The following LRRC49 variants were observed in gnomAD, a reference collection of about 807,000 sequenced individuals.
LRRC49 encodes the protein leucine-rich repeat-containing protein 49.
A neutral mutation model predicts 83.3 loss-of-function variants in LRRC49; 50 were observed. The ratio of observed to expected loss-of-function variants is 0.60; its 90% CI spans 0.48 to 0.76. The LOEUF (loss-of-function observed/expected upper bound fraction) is 0.76, where lower values mean the gene tolerates loss of function less well. Among genes scored for constraint, LRRC49 ranks in the 30% least tolerant of loss-of-function variants. The pLI is 0.00. For synonymous variants in LRRC49, 286 were observed against 283.3 expected (o/e 1.01, Z -0.10); for missense variants, 704 against 809.1 (o/e 0.87, Z 1.58).
At chr15:70,905,668 T>C (rs2034275257) in intron 5 of LRRC49, among the ~76,000 whole-genome samples, 1 of 152,198 alleles carries the variant, frequency 6.6e-6, no homozygotes, top group Non-Finnish European at 1.5e-5. Flanking sequence ...TGAGGCTTGA[T>C]AACAAGTGGA....
chr15:70,984,215 A>T lies in LRRC49; in HGVS notation c.1127A>T (p.Gln376Leu). 6.2e-7 allele frequency: 1 copy of T among 1,613,226 alleles called. No individual in the cohort carries two copies. The highest frequency in any genetic ancestry group is 8.5e-7 in the Non-Finnish European group (1 of 1,179,458). ...TCTGACTCTCCTCAGGACCCCTGTC[A>T]GATTGATGGAAGCACCCTCTCTGCA... ...KDSDSPQDPC[Q>L]IDGSTLSAFP... is the part of the protein sequence containing the mutation. Residue 376 changes from glutamine (Q) to leucine (L), a missense_variant, in exon 11 of 16, where the codon CAG becomes CTG. Transcript: ENST00000260382.
chr15:71,015,013 T>C (rs2038779053), intron 14 of LRRC49, among the ~76,000 whole-genome samples: 1 of 152,166 alleles, frequency 6.6e-6, no homozygotes, highest in African/African-American at 2.4e-5. Flanking sequence ...AATCTTCAAG[T>C]ATCTCAAAAA....
At chr15:71,037,050 C>A in intron 14 of LRRC49, 129 bp from the exon 15 acceptor site, 2 of 582,756 alleles carry the variant, frequency 3.4e-6, no homozygotes, top group East Asian at 3.3e-5. Flanking sequence ...TCAAATAAAT[C>A]ATAAACTCAA....
chr15:70,911,552 TG>T lies in LRRC49; in HGVS notation c.523del (p.Glu175ArgfsTer3). The T allele has an allele frequency of 6.3e-7, 1 of 1,584,340 alleles. No individual in the cohort carries two copies. Among genetic ancestry groups the T allele is most frequent in the Non-Finnish European group, 8.6e-7 (1 of 1,162,206 alleles). On this transcript the variant is annotated frameshift_variant, in exon 6 of 16. Transcript: ENST00000260382. LOFTEE classifies it high-confidence loss of function. Reference sequence around the variant, plus strand: ...TTCAGAATCAAGAAAATCTCAAATCTGGAGAATCTAAAAAGCTTAGATGTCT... The same window carrying T: ...TTCAGAATCAAGAAAATCTCAAATCTGAGAATCTAAAAAGCTTAGATGTCT... ...GKNRIKKISN[L>X]ENLKSLDVLD...
At position 70,905,229 on chromosome 15, in the gene LRRC49, A is replaced by C. The variant is rs1596002222; in HGVS notation, c.500+474A>C. ...TATATGAACTTTCCCAGTTCCTTTT[A>C]TACAACTCTATTCCGTAGTGCAACT... is the stretch of plus-strand genomic sequence containing the variant. On this transcript the variant is annotated intron_variant, in intron 5 of 15. Coordinates refer to ENST00000260382, the MANE Select transcript of LRRC49 (RefSeq NM_017691.5). 2.6e-5 allele frequency among the ~76,000 whole-genome samples: 4 copies of C among 152,304 alleles called. No individual in the cohort carries two copies. In the South Asian group the frequency reaches 8.3e-4, roughly 32 times the overall value.
intron 1 of LRRC49, among the ~76,000 whole-genome samples, chr15:70,865,964 T>C (rs1259849323): frequency 3.9e-5 from 6 of 152,200 alleles, no homozygotes; most frequent in Non-Finnish European, 8.8e-5. Flanking sequence ...TAGCATCCTG[T>C]GTTTATACTC....
At chr15:70,922,828 A>G (rs2035056322) in intron 7 of LRRC49, among the ~76,000 whole-genome samples, 2 of 152,206 alleles carry the variant, frequency 1.3e-5, no homozygotes, top group Non-Finnish European at 1.5e-5. Flanking sequence ...AAAATTAATA[A>G]AAAATTTTAA....
chr15:70,872,618 T>A (rs2033073185), intron 1 of LRRC49, among the ~76,000 whole-genome samples: 1 of 152,150 alleles, frequency 6.6e-6, no homozygotes, highest in Non-Finnish European at 1.5e-5. Flanking sequence ...TGTGATACGC[T>A]TTAGGGTTTC....
At chr15:70,857,875 A>G (rs190132651) in intron 1 of LRRC49, among the ~76,000 whole-genome samples, 2 of 152,376 alleles carry the variant, frequency 1.3e-5, no homozygotes, top group Non-Finnish European at 2.9e-5. Context: ...GCTGCTGCTT[A>G]GCTTCATAAC....
At chr15:70,871,837 G>A (rs1203998419) in intron 1 of LRRC49, among the ~76,000 whole-genome samples, 1 of 148,324 alleles carries the variant, frequency 6.7e-6, no homozygotes, top group Admixed American at 6.7e-5. Context: ...CTCAGACGAT[G>A]GGCGGCCGGG....
intron 9 of LRRC49, among the ~76,000 whole-genome samples, chr15:70,969,511 T>A (rs908867787): frequency 2.6e-5 from 4 of 152,236 alleles, no homozygotes; most frequent in Admixed American, 2.0e-4. Flanking sequence ...TTTCTAATTC[T>A]GTGAAGAAAG....
intron 6 of LRRC49, among the ~76,000 whole-genome samples, chr15:70,912,250 A>T (rs1019491164): frequency 9.9e-5 from 15 of 151,862 alleles, no homozygotes; most frequent in Non-Finnish European, 1.6e-4. Context: ...TCCTGTTTTT[A>T]TTGTTGTTGT....
chr15:71,043,068 A>T (rs2039745945), intron 15 of LRRC49, among the ~76,000 whole-genome samples: 1 of 152,126 alleles, frequency 6.6e-6, no homozygotes, highest in Admixed American at 6.5e-5. Context: ...TTATGTTTTT[A>T]GTTGACTTTT....
chr15:70,939,197 TC>T (rs1231024195), intron 8 of LRRC49, among the ~76,000 whole-genome samples: 4 of 152,204 alleles, frequency 2.6e-5, no homozygotes, highest in African/African-American at 9.6e-5. Flanking sequence ...TTTTATATTG[TC>T]CCTTCTGTTA....
intron 6 of LRRC49, among the ~76,000 whole-genome samples, chr15:70,915,627 T>G (rs1327909830): frequency 6.6e-6 from 1 of 152,226 alleles, no homozygotes; most frequent in Non-Finnish European, 1.5e-5. Context: ...CATTACTGAT[T>G]ACTTTTTCTA....
At chr15:70,859,086 T>G in intron 1 of LRRC49, 3 of 1,520,580 alleles carry the variant, frequency 2.0e-6, no homozygotes, top group Non-Finnish European at 2.7e-6. Flanking sequence ...AAGTGGAGCC[T>G]CCTGCAGCAG....
intron 8 of LRRC49, among the ~76,000 whole-genome samples, chr15:70,954,822 C>A (rs796495533): frequency 8.5e-5 from 13 of 152,226 alleles, no homozygotes; most frequent in African/African-American, 2.9e-4. Context: ...GGGGTGTTCC[C>A]AGACCATTGA....
At chr15:71,000,121 C>G (rs551454287) in intron 11 of LRRC49, among the ~76,000 whole-genome samples, 4 of 152,200 alleles carry the variant, frequency 2.6e-5, no homozygotes, top group Non-Finnish European at 5.9e-5. Flanking sequence ...TCAGAACTCT[C>G]TTATTGAAAT....
At chr15:70,859,756 T>C in intron 1 of LRRC49, 1 of 723,230 alleles carries the variant, frequency 1.4e-6, no homozygotes, top group South Asian at 1.4e-5. Context: ...CCGTTAAGGA[T>C]GCCAACGCCA....
Sources: gnomAD v4.1 joint callset for allele counts (sites outside exome capture counted in the v4.1 genomes callset) on GRCh38, gnomAD v4.1.1 for gene constraint, MANE v1.5 for transcripts, NCBI Gene and HGNC (gene_info 2026-07-23, HGNC 2026-07-21) for gene names.